TERT: variants seen among roughly 807,000 people sequenced by gnomAD.
TERT encodes telomerase catalytic subunit.
TERT carries 42 observed loss-of-function variants against 104.0 expected under a neutral mutation model. The ratio of observed to expected loss-of-function variants is 0.40; its 90% CI spans 0.32 to 0.52. The LOEUF is 0.52. Among genes scored for constraint, TERT ranks in the 20% least tolerant of loss-of-function variants. The pLI, the probability that TERT is intolerant of heterozygous loss-of-function variation, is 0.43. For synonymous variants in TERT, 781 were observed against 725.6 expected (o/e 1.08, Z -1.23); for missense variants, 1,101 against 1,610.3 (o/e 0.68, Z 5.41).
chr5:1,257,798 C>T lies in TERT; in HGVS notation c.3032+800G>A, dbSNP rs1407894677. On this transcript the variant is annotated intron_variant, in intron 13 of 15. Transcript: ENST00000310581. The surrounding 1 kb of genome is among the most constrained non-coding windows in gnomAD (Gnocchi z 5.6). ...GTGTGCACGGTAATTCGCGCAGCCT[C>T]GGCCCTGGGTAACACAAATGCTCAC... 6.6e-6 allele frequency among the ~76,000 whole-genome samples: 1 copy of T among 152,258 alleles called. No individual in the cohort carries two copies. Among genetic ancestry groups the T allele is most frequent in the Non-Finnish European group, 1.5e-5 (1 of 68,048 alleles).
intron 9 of TERT, among the ~76,000 whole-genome samples, chr5:1,267,989 A>G (rs1346473323): frequency 1.3e-5 from 2 of 152,224 alleles, no homozygotes; most frequent in Non-Finnish European, 2.9e-5. Context: ...ATTAAAAAAA[A>G]AAAAGTAACT....
chr5:1,278,167 C>T (rs1016549258), intron 6 of TERT, among the ~76,000 whole-genome samples: 2 of 152,208 alleles, frequency 1.3e-5, no homozygotes, highest in African/African-American at 4.8e-5. Context: ...ACAGGGGCAC[C>T]CATGCTAGAA....
rs1178999840 is a variant in TERT at position 1,269,027 on chromosome 5, T to A, written c.2469-394A>T. 1.3e-5 allele frequency among the ~76,000 whole-genome samples: 2 copies of A among 151,938 alleles called. No individual in the cohort carries two copies. Among genetic ancestry groups the A allele is most frequent in the African/African-American group, 4.8e-5 (2 of 41,342 alleles). ...ACGGTGAAAGACTCATGACCCTACA[T>A]GTAGCCGCTGCGCGCCAACGGATAC... is the stretch of plus-strand genomic sequence containing the variant. On this transcript the variant is annotated intron_variant, in intron 8 of 15. Coordinates refer to ENST00000310581, the MANE Select transcript of TERT (RefSeq NM_198253.3). The surrounding 1 kb of genome is among the most constrained non-coding windows in gnomAD (Gnocchi z 9.0).
At position 1,294,197 on chromosome 5, in the gene TERT, C is replaced by T. The variant is rs957794083; in HGVS notation, c.689G>A (p.Arg230Gln). 4.4e-6 allele frequency: 7 copies of T among 1,581,274 alleles called. No individual in the cohort carries two copies. Among genetic ancestry groups the T allele is most frequent in the African/African-American group, 2.7e-5 (2 of 74,250 alleles). Residue 230 changes from arginine (R) to glutamine (Q), a missense_variant, in exon 2 of 16, where the codon CGA becomes CAA. By Grantham distance (43) the Arg-to-Gln change is conservative. Coordinates refer to ENST00000310581, the MANE Select transcript of TERT (RefSeq NM_198253.3). ...GARRRGGSASRSLPLPKRPRR... is the reference protein window; with the variant it reads ...GARRRGGSASQSLPLPKRPRR... ...GGGCCTCTTGGGCAACGGCAGACTT[C>T]GGCTGGCACTGCCCCCGCGCCTCCT...
At position 1,268,044 on chromosome 5, in the gene TERT, C is replaced by A. The variant is rs181247069; in HGVS notation, c.2582+476G>T. 6.6e-6 allele frequency among the ~76,000 whole-genome samples: 1 copy of A among 152,152 alleles called. No homozygotes were observed. Among genetic ancestry groups the A allele is most frequent in the Non-Finnish European group, 1.5e-5 (1 of 68,012 alleles). ...TGAGTTGAACCACATTAGGTTGGCA[C>A]GATATTTAGGTGTGTGCGTCCTTGG... On this transcript the variant is annotated intron_variant, in intron 9 of 15. Coordinates refer to ENST00000310581, the MANE Select transcript of TERT (RefSeq NM_198253.3). The surrounding 1 kb of genome is among the most constrained non-coding windows in gnomAD (Gnocchi z 5.5).
At chr5:1,278,249 T>G (rs1749750985) in intron 6 of TERT, among the ~76,000 whole-genome samples, 1 of 152,058 alleles carries the variant, frequency 6.6e-6, no homozygotes, top group African/African-American at 2.4e-5. Flanking sequence ...GGACCATGCC[T>G]GGAGGAGGAA....
chr5:1,253,809 C>A lies in TERT; in HGVS notation c.3318G>T (p.Lys1106Asn), dbSNP rs1156703730. The change falls in exon 16 of 16, where the codon AAG becomes AAT. Residue 1106 changes from lysine (K) to asparagine (N), a missense_variant. By Grantham distance (94) the Lys-to-Asn change is moderately conservative (BLOSUM62 0). Around this residue, in one of 5 missense-constraint regions of TERT, gnomAD observed 463 missense variants for 797.5 expected, o/e 0.58. Transcript: ENST00000310581. ...LRTAQTQLSR[K>N]LPGTTLTALE... The stretch of plus-strand genomic sequence containing the variant: ...GGGCAGTCAGCGTCGTCCCCGGGAG[C>A]TTCCGACTCAGCTGCGTCTGGGCTG... 1 of 1,611,134 alleles carries A rather than the reference C, an allele frequency of 6.2e-7. No individual in the cohort carries two copies. The highest frequency in any genetic ancestry group is 1.3e-5 in the African/African-American group (1 of 74,944).
At position 1,258,493 on chromosome 5, in the gene TERT, T is replaced by C. The variant is rs1238388255; in HGVS notation, c.3032+105A>G. On this transcript the variant is annotated intron_variant, in intron 13 of 15. Coordinates refer to ENST00000310581, the MANE Select transcript of TERT (RefSeq NM_198253.3). ...CACCACTGAAAACGTAAGACATTCC[T>C]TGCCCCTAAAACCCAGGAGTTCCAA... The C allele has an allele frequency of 2.9e-6, 3 of 1,020,490 alleles. No homozygotes were observed. In the African/African-American group the frequency reaches 4.8e-5, roughly 16 times the overall value. 63.2% of individuals were successfully genotyped at this position (1,020,490 alleles called of 1,614,324 possible).
chr5:1,273,458 CGAT>C, intron 6 of TERT, among the ~76,000 whole-genome samples: 1 of 66,812 alleles, frequency 1.5e-5, no homozygotes, highest in African/African-American at 6.5e-5. Flanking sequence ...CCCCTGTGAC[CGAT>C]CGCCATCCAC....
intron 9 of TERT, among the ~76,000 whole-genome samples, chr5:1,267,456 C>T (rs944265426): frequency 1.3e-5 from 2 of 152,190 alleles, no homozygotes; most frequent in East Asian, 1.9e-4. Context: ...ACTAGAAATA[C>T]CATTTGACCC....
Position 1,265,195 on chromosome 5 carries a change from C to T in TERT, c.2655-603G>A, listed in dbSNP as rs1748503349. Among the ~76,000 whole-genome samples, 1 of 152,186 alleles carries T rather than the reference C, an allele frequency of 6.6e-6. No homozygotes were observed. The highest frequency in any genetic ancestry group is 2.1e-4 in the South Asian group (1 of 4,830). On this transcript the variant is annotated intron_variant, in intron 10 of 15. Transcript: ENST00000310581. This position sits in a 1 kb window ranked among gnomAD's most constrained non-coding sequence, Gnocchi z 6.9. Reference sequence around the variant, plus strand: ...TCGCTCACCCAGCTCAGGGAGCCCCCCTGTGCCCGGTAGCCTCTGCTCTGG... The same window carrying T: ...TCGCTCACCCAGCTCAGGGAGCCCCTCTGTGCCCGGTAGCCTCTGCTCTGG...
At chr5:1,293,104 G>T (rs749387186) in intron 2 of TERT, among the ~76,000 whole-genome samples, 8 of 152,248 alleles carry the variant, frequency 5.3e-5, no homozygotes, top group African/African-American at 1.7e-4. Flanking sequence ...ATCAAAACGT[G>T]AAGGTGAACC....
intron 2 of TERT, among the ~76,000 whole-genome samples, chr5:1,290,132 G>A (rs67920631): frequency 8.1e-4 from 19 of 23,524 alleles, no homozygotes; most frequent in East Asian, 1.2e-3. Context: ...ACACCCGGGG[G>A]CCGCGCCTCA....
intron 11 of TERT, 52 bp downstream of exon 11, chr5:1,264,352 C>G: frequency 6.4e-7 from 1 of 1,556,942 alleles, no homozygotes; most frequent in Non-Finnish European, 8.7e-7. Context: ...GGCCCTGCAG[C>G]AGCACCTGCC....
chr5:1,267,127 T>A (rs965080921), intron 9 of TERT, among the ~76,000 whole-genome samples: 1 of 152,238 alleles, frequency 6.6e-6, no homozygotes, highest in African/African-American at 2.4e-5. Context: ...TTGTTTCTGT[T>A]ACATAAACTT....
At chr5:1,266,875 G>A (rs974108365) in intron 9 of TERT, among the ~76,000 whole-genome samples, 20 of 152,146 alleles carry the variant, frequency 1.3e-4, no homozygotes, top group African/African-American at 4.6e-4. Context: ...TGGGAACCTC[G>A]CCCCCTCTGA....
intron 6 of TERT, among the ~76,000 whole-genome samples, chr5:1,278,333 A>G (rs111943979): frequency 6.6e-6 from 1 of 152,032 alleles, no homozygotes; most frequent in Admixed American, 6.6e-5. Context: ...ACACACACAC[A>G]CCACAAATAG....
chr5:1,277,570 C>T (rs915351899), intron 6 of TERT, among the ~76,000 whole-genome samples: 5 of 111,026 alleles, frequency 4.5e-5, no homozygotes, highest in African/African-American at 1.6e-4. Flanking sequence ...ACGAGGGTCA[C>T]GGTGGGGGCG....
At chr5:1,277,815 A>G (rs1749712016) in intron 6 of TERT, among the ~76,000 whole-genome samples, 1 of 152,198 alleles carries the variant, frequency 6.6e-6, no homozygotes, top group African/African-American at 2.4e-5. Flanking sequence ...GGGTTTCCAC[A>G]TGTGCCTCTC....
Sources: gnomAD v4.1 joint callset for allele counts (sites outside exome capture counted in the v4.1 genomes callset) on GRCh38, gnomAD v4.1.1 for gene constraint, gnomAD v4.1.1 regional missense constraint, Gnocchi (gnomAD v3.1) non-coding constraint, MANE v1.5 for transcripts, NCBI Gene and HGNC (gene_info 2026-07-23, HGNC 2026-07-21) for gene names.